The following SYNE1 variants were observed in gnomAD, a reference collection of about 807,000 sequenced individuals.
SYNE1 encodes the protein spectrin repeat containing nuclear envelope protein 1, also known as nesprin-1.
In SYNE1, 616 loss-of-function variants were observed where a neutral mutation model predicts 1,111.0. The ratio of observed to expected loss-of-function variants is 0.55; its 90% CI spans 0.52 to 0.59. The LOEUF (loss-of-function observed/expected upper bound fraction) is 0.59, where lower values mean the gene tolerates loss of function less well. SYNE1 is among the 20% of genes least tolerant of loss of function. SYNE1 has a pLI of 0.00. For synonymous variants in SYNE1, 3,855 were observed against 3,825.8 expected (o/e 1.01, Z -0.28); for missense variants, 10,006 against 10,417.0 (o/e 0.96, Z 1.72).
chr6:152,231,478 A>T lies in SYNE1; in HGVS notation c.20952T>A (p.Ser6984Arg), dbSNP rs2082732985. 6.2e-7 allele frequency: 1 copy of T among 1,614,056 alleles called. No individual in the cohort carries two copies. Among genetic ancestry groups the T allele is most frequent in the African/African-American group, 1.3e-5 (1 of 74,910 alleles). Residue 6984 changes from serine to arginine, a missense_variant, in exon 114 of 146, where the codon AGT (serine) becomes AGA (arginine). By Grantham distance (110) the Ser-to-Arg change is moderately radical. Transcript: ENST00000367255. ...VLQISSQDVE[S>R]KRSDKTDFAE... Reference sequence around the variant, plus strand: ...CAAAATCAGTCTTATCACTACGCTTACTTTCCACATCCTGACTGCTGATTT... The same window carrying T: ...CAAAATCAGTCTTATCACTACGCTTTCTTTCCACATCCTGACTGCTGATTT...
intron 140 of SYNE1, among the ~76,000 whole-genome samples, 188 bp downstream of exon 140, chr6:152,139,762 A>AAGAAG: frequency 6.6e-6 from 1 of 151,964 alleles, no homozygotes; most frequent in Non-Finnish European, 1.5e-5. Flanking sequence ...AAGAAAAAAA[A>AAGAAG]GAAAACCATC....
At chr6:152,258,263 G>A (rs562960970) in intron 101 of SYNE1, among the ~76,000 whole-genome samples, 29 of 152,174 alleles carry the variant, frequency 1.9e-4, no homozygotes, top group African/African-American at 6.7e-4. Flanking sequence ...CTGAGAGCTG[G>A]ATCAAAATTA....
At chr6:152,543,935 C>T (rs1292114247) in intron 3 of SYNE1, among the ~76,000 whole-genome samples, 3 of 152,134 alleles carry the variant, frequency 2.0e-5, no homozygotes, top group Non-Finnish European at 4.4e-5. Flanking sequence ...CAAGTACACC[C>T]TACAGAGTTC....
chr6:152,283,512 A>G (rs73783821), intron 96 of SYNE1, among the ~76,000 whole-genome samples: 2,818 of 152,176 alleles, frequency 0.019, 81 homozygotes, highest in African/African-American at 0.065. Context: ...TCTATTCGGG[A>G]GACTGTTTTG....
At position 152,585,031 on chromosome 6, in the gene SYNE1, G is replaced by A. The variant is rs182693730; in HGVS notation, c.67+43234C>T. Reference sequence around the variant, plus strand: ...TCCCTACGTGTCATGAGAGGGACCCGGTGGGAGGTAATTTAATCATAGGGG... The same window carrying A: ...TCCCTACGTGTCATGAGAGGGACCCAGTGGGAGGTAATTTAATCATAGGGG... On this transcript the variant is annotated intron_variant, in intron 3 of 145. Transcript: ENST00000367255. 1.7e-4 allele frequency among the ~76,000 whole-genome samples: 26 copies of A among 152,234 alleles called. No homozygotes were observed. The East Asian group carries it at 4.7e-3, about 27-fold the overall frequency.
chr6:152,141,025 A>T (rs1158434791), intron 139 of SYNE1, among the ~76,000 whole-genome samples, 178 bp downstream of exon 139: 1 of 143,582 alleles, frequency 7.0e-6, no homozygotes. Context: ...ACAGAGCGCC[A>T]CTCCGCCTCA....
intron 31 of SYNE1, among the ~76,000 whole-genome samples, 187 bp from the exon 32 acceptor site, chr6:152,441,457 T>C (rs541790079): frequency 2.4e-4 from 36 of 152,314 alleles, no homozygotes; most frequent in Admixed American, 2.2e-3. Context: ...TGTTTTCATC[T>C]ACAAAAAGAG....
chr6:152,329,797 A>G lies in SYNE1; in HGVS notation c.14888T>C (p.Leu4963Ser), dbSNP rs749467659. ...TGAGAGCTCAGCGAGGCTGTGTTCT[A>G]AATCCGCAGAAATCAGCTCCTTGGC... ...TKAKELISADLEHSLAELSEL... is the reference protein window; with the variant it reads ...TKAKELISADSEHSLAELSEL... The change falls in exon 78 of 146, where the codon TTA (leucine) becomes TCA (serine). Residue 4963 changes from leucine to serine, a missense_variant. Around this residue, in one of 7 missense-constraint regions of SYNE1, gnomAD observed 4,955 missense variants for 5,017.2 expected, o/e 0.99. Transcript: ENST00000367255. 6.2e-7 allele frequency: 1 copy of G among 1,614,088 alleles called. No homozygotes were observed. The highest frequency in any genetic ancestry group is 1.3e-5 in the African/African-American group (1 of 74,922).
intron 33 of SYNE1, chr6:152,435,277 C>A (rs1284873825): frequency 6.6e-6 from 1 of 151,846 alleles, no homozygotes; most frequent in Non-Finnish European, 1.5e-5. Flanking sequence ...AAATGTTTAG[C>A]CATATTGTTT....
At chr6:152,296,638 G>A (rs1325094113) in intron 93 of SYNE1, among the ~76,000 whole-genome samples, 1 of 152,142 alleles carries the variant, frequency 6.6e-6, no homozygotes, top group Non-Finnish European at 1.5e-5. Flanking sequence ...GCAGCCTGTG[G>A]GCTGCCTCTG....
At chr6:152,536,682 A>G (rs2099244831) in intron 4 of SYNE1, among the ~76,000 whole-genome samples, 1 of 151,340 alleles carries the variant, frequency 6.6e-6, no homozygotes, top group East Asian at 1.9e-4. Flanking sequence ...TGTATTCCCT[A>G]TATCTGTGAA....
Position 152,255,195 on chromosome 6 carries a change from T to C in SYNE1, c.19261-106A>G, listed in dbSNP as rs562978738. 132 of 1,005,248 alleles carry C rather than the reference T, an allele frequency of 1.3e-4. No homozygotes were observed. The African/African-American group carries it at 2.0e-3, about 15-fold the overall frequency. 62.3% of individuals were successfully genotyped at this position (1,005,248 alleles called of 1,614,324 possible). A position where few individuals can be genotyped will look rare whatever the true frequency, so the allele number is the denominator to read the frequency against. On this transcript the variant is annotated intron_variant, in intron 103 of 145. Coordinates refer to ENST00000367255, the MANE Select transcript of SYNE1 (RefSeq NM_182961.4). ...CAACTAGATCTCTCTGGCTGCTTAG[T>C]AATAATCAGACCTAAGACAACTGGA...
chr6:152,427,886 G>T (rs1049849445), intron 37 of SYNE1, 70 bp from the exon 38 acceptor site: 1 of 1,605,954 alleles, frequency 6.2e-7, no homozygotes, highest in East Asian at 2.2e-5. Flanking sequence ...CCTTTGTGAA[G>T]TTGGAGGGTC....
chr6:152,308,391 G>C, intron 91 of SYNE1, 98 bp downstream of exon 91: 1 of 1,557,212 alleles, frequency 6.4e-7, no homozygotes, highest in Non-Finnish European at 8.8e-7. Flanking sequence ...TTAAGTGCAG[G>C]ACAGGGGAAA....
At chr6:152,336,625 C>A in intron 76 of SYNE1, 1 of 623,272 alleles carries the variant, frequency 1.6e-6, no homozygotes, top group Non-Finnish European at 2.9e-6. Flanking sequence ...GGCATTAATG[C>A]TTGCTCGCCT....
rs145433738 is a variant in SYNE1, at chr6:152,469,685, T to G, written c.1632+1912A>C. ...TTAAGTTAAAAATTTTTTTTACAAT[T>G]TTTTTTAGATTGTGATATTCAGCAC... On this transcript the variant is annotated intron_variant, in intron 16 of 145. Coordinates refer to ENST00000367255, the MANE Select transcript of SYNE1 (RefSeq NM_182961.4). Among the ~76,000 whole-genome samples, 293 of 152,276 alleles carry G rather than the reference T, an allele frequency of 1.9e-3. 1 individual carries two copies. Among genetic ancestry groups the G allele is most frequent in the Admixed American group, 0.016 (251 of 15,284 alleles).
rs560666716 is a variant in SYNE1, at chr6:152,388,935, A to C, written c.8177+1345T>G. ...CTGGAAGCTTAGTTCACGCTCCAGC[A>C]GTCTATGATATAGAGTAAGACAATG... On this transcript the variant is annotated intron_variant, in intron 53 of 145. Coordinates refer to ENST00000367255, the MANE Select transcript of SYNE1 (RefSeq NM_182961.4). Among the ~76,000 whole-genome samples the C allele has an allele frequency of 1.2e-4, 18 of 152,370 alleles. No individual in the cohort carries two copies. In the Middle Eastern group the frequency reaches 0.01, roughly 86 times the overall value.
intron 6 of SYNE1, among the ~76,000 whole-genome samples, chr6:152,516,798 C>T (rs1177168448): frequency 3.3e-5 from 5 of 152,086 alleles, no homozygotes; most frequent in Admixed American, 2.6e-4. Flanking sequence ...GTTGCCCAGG[C>T]TGATCTCAAA....
At chr6:152,377,021 C>A (rs2154104514) in intron 56 of SYNE1, 109 bp from the exon 57 acceptor site, 1 of 1,357,394 alleles carries the variant, frequency 7.4e-7, no homozygotes, top group South Asian at 1.2e-5. Context: ...GAGAGAAGAA[C>A]CAACATGGTA....
Sources: gnomAD v4.1 joint callset for allele counts (sites outside exome capture counted in the v4.1 genomes callset) on GRCh38, gnomAD v4.1.1 for gene constraint, gnomAD v4.1.1 regional missense constraint, MANE v1.5 for transcripts, NCBI Gene and HGNC (gene_info 2026-07-23, HGNC 2026-07-21) for gene names.